Variants in RBFOX1 observed in about 807,000 individuals in gnomAD.
RBFOX1 encodes RNA binding fox-1 homolog 1, also known as RNA binding protein fox-1 homolog 1.
Under a neutral mutation model 57.7 loss-of-function variants are expected in RBFOX1, and 8 were observed. The ratio of observed to expected loss-of-function variants is 0.14; its 90% CI spans 0.08 to 0.25. RBFOX1 has a LOEUF of 0.25. Ranked by LOEUF, RBFOX1 falls within the 10% of genes least tolerant of loss-of-function variation. The probability of loss-of-function intolerance (pLI) is 1.00; values close to 1 mark genes in which losing one functional copy is unlikely to be tolerated. For missense variants in RBFOX1, 611 were observed against 548.5 expected (o/e 1.11, Z -1.14); for synonymous variants, 326 against 222.4 (o/e 1.47, Z -4.15).
chr16:7,090,013 G>A lies in RBFOX1; in HGVS notation c.27+37915G>A, dbSNP rs1289762190. Reference sequence around the variant, plus strand: ...TAGCATTAACACTGTGAGGTTGGAGGGGTTTTCCATTCTTTTCTTCTTCTT... The same window carrying A: ...TAGCATTAACACTGTGAGGTTGGAGAGGTTTTCCATTCTTTTCTTCTTCTT... On this transcript the variant is annotated intron_variant, in intron 4 of 15. Transcript: ENST00000550418. Among the ~76,000 whole-genome samples, 4 of 152,186 alleles carry A rather than the reference G, an allele frequency of 2.6e-5. No individual in the cohort carries two copies. The East Asian group carries it at 5.8e-4, about 22-fold the overall frequency.
Position 5,429,268 on chromosome 16 carries a change from C to G in RBFOX1, c.220-37948C>G, listed in dbSNP as rs74007413. ...CTGGAGGTGGGGCAGGTATTCAGCT[C>G]TCTGGGACTGCTGGCCCTCTGAGAG... On this transcript the variant is annotated intron_variant, in intron 1 of 2. Transcript: ENST00000585867. 6.8e-3 allele frequency among the ~76,000 whole-genome samples: 1,038 copies of G among 152,290 alleles called. 17 individuals are homozygous for G. The highest frequency in any genetic ancestry group is 0.024 in the African/African-American group (999 of 41,550).
intron 4 of RBFOX1, among the ~76,000 whole-genome samples, chr16:7,362,807 C>T (rs72771103): frequency 0.036 from 5,476 of 152,088 alleles, 110 homozygotes; most frequent in South Asian, 0.075. Flanking sequence ...GTGTTCACTG[C>T]CAGAGAAGTG....
intron 2 of RBFOX1, among the ~76,000 whole-genome samples, chr16:6,521,880 C>T (rs917959825): frequency 1.3e-5 from 2 of 152,016 alleles, no homozygotes; most frequent in African/African-American, 4.8e-5. Context: ...TATCACTGGC[C>T]CATTTTAATC....
chr16:5,390,941 T>TG (rs1272031296), intron 1 of RBFOX1, among the ~76,000 whole-genome samples: 2 of 152,292 alleles, frequency 1.3e-5, no homozygotes, highest in African/African-American at 4.8e-5. Flanking sequence ...GTGGTGCGTT[T>TG]GGGGGCCTTA....
intron 2 of RBFOX1, among the ~76,000 whole-genome samples, chr16:5,578,112 C>A (rs2046530036): frequency 6.6e-6 from 1 of 152,236 alleles, no homozygotes; most frequent in South Asian, 2.1e-4. Context: ...CCACCACACC[C>A]AGCTAATTTT....
intron 4 of RBFOX1, among the ~76,000 whole-genome samples, chr16:7,151,466 C>G (rs559729743): frequency 1.3e-4 from 20 of 152,280 alleles, no homozygotes; most frequent in African/African-American, 4.8e-4. Flanking sequence ...CAACTCCCTC[C>G]TGAGTGCTGA....
intron 3 of RBFOX1, among the ~76,000 whole-genome samples, chr16:6,688,498 A>T (rs536422261): frequency 6.6e-6 from 1 of 152,170 alleles, no homozygotes; most frequent in South Asian, 2.1e-4. Context: ...TTTTCTCCAT[A>T]TAAGAAGTGA....
intron 2 of RBFOX1, among the ~76,000 whole-genome samples, chr16:6,506,690 C>G (rs569414674): frequency 8.6e-6 from 1 of 115,914 alleles, no homozygotes; most frequent in East Asian, 3.0e-4. Flanking sequence ...CTTTGTCTCC[C>G]AGGCTGGAGT....
chr16:7,031,956 T>G (rs1231786453), intron 3 of RBFOX1, among the ~76,000 whole-genome samples: 1 of 152,128 alleles, frequency 6.6e-6, no homozygotes, highest in East Asian at 1.9e-4. Context: ...TGGGATGGAC[T>G]TCCTCGTTAT....
chr16:6,515,219 G>C (rs1312311081), intron 2 of RBFOX1, among the ~76,000 whole-genome samples: 3 of 152,132 alleles, frequency 2.0e-5, no homozygotes, highest in African/African-American at 7.2e-5. Flanking sequence ...TTCATTATTT[G>C]CACTTTCTAG....
intron 4 of RBFOX1, among the ~76,000 whole-genome samples, chr16:7,073,863 A>T (rs1472463284): frequency 2.0e-5 from 3 of 151,750 alleles, no homozygotes; most frequent in African/African-American, 7.3e-5. Flanking sequence ...TCTCATAAAA[A>T]TAACAAATAA....
chr16:7,471,099 A>G (rs1236232533), intron 4 of RBFOX1, among the ~76,000 whole-genome samples: 3 of 152,296 alleles, frequency 2.0e-5, no homozygotes, highest in East Asian at 3.9e-4. Flanking sequence ...CAGTCTCTCT[A>G]TAAAGATAAC....
intron 3 of RBFOX1, among the ~76,000 whole-genome samples, chr16:7,025,278 T>C (rs116042009): frequency 0.018 from 2,783 of 152,208 alleles, 80 homozygotes; most frequent in African/African-American, 0.059. Context: ...GTTTGGAAAC[T>C]ATCATGGCGC....
intron 3 of RBFOX1, among the ~76,000 whole-genome samples, chr16:5,643,014 C>T (rs1367568063): frequency 2.6e-5 from 4 of 152,194 alleles, no homozygotes; most frequent in African/African-American, 7.2e-5. Context: ...GGAGCCCTTG[C>T]AGCAGGTCAG....
Position 7,630,607 on chromosome 16 carries a change from G to T in RBFOX1, c.681G>T (p.Thr227=), listed in dbSNP as rs200449428. Residue 227 remains threonine, a synonymous_variant, in exon 11 of 16, where the codon ACG becomes ACT. Coordinates refer to ENST00000550418, the MANE Select transcript of RBFOX1 (RefSeq NM_018723.4). ...AVYSPEFYAG[T]VLLCQANQEG... ...ATCTCTCTCTCTCTTTCGTAGGCAC[G>T]GTCCTGTTGTGCCAGGCCAACCAGG... is the stretch of plus-strand genomic sequence containing the variant. 2.5e-6 allele frequency: 4 copies of T among 1,614,048 alleles called. No individual in the cohort carries two copies. Among genetic ancestry groups the T allele is most frequent in the Non-Finnish European group, 3.4e-6 (4 of 1,180,028 alleles).
rs184149717 is a variant in RBFOX1 at position 6,882,949 on chromosome 16, C to T, written c.-15-169108C>T. ...CAGGATGTCTTAGGCGGCTTCCCCT[C>T]CTGCTTTAGCAATCAATAAATTGCC... On this transcript the variant is annotated intron_variant, in intron 3 of 15. Transcript: ENST00000550418. 2.6e-4 allele frequency among the ~76,000 whole-genome samples: 39 copies of T among 152,300 alleles called. No homozygotes were observed. The East Asian group carries it at 6.2e-3, about 24-fold the overall frequency.
Position 7,305,819 on chromosome 16 carries a change from C to T in RBFOX1, c.28-212328C>T, listed in dbSNP as rs181143782. Among the ~76,000 whole-genome samples the T allele has an allele frequency of 3.8e-3, 584 of 152,200 alleles. 2 individuals are homozygous for T. The highest frequency in any genetic ancestry group is 0.013 in the African/African-American group (533 of 41,534). ...TGTTCTTTTAAATATTATTTTATTA[C>T]GTTCATTATTGAGTAAATCGTGCCA... On this transcript the variant is annotated intron_variant, in intron 4 of 15. Coordinates refer to ENST00000550418, the MANE Select transcript of RBFOX1 (RefSeq NM_018723.4).
chr16:5,919,935 A>G (rs1449151591), intron 4 of RBFOX1, among the ~76,000 whole-genome samples: 2 of 151,756 alleles, frequency 1.3e-5, no homozygotes, highest in Non-Finnish European at 2.9e-5. Flanking sequence ...ATTGAAACAT[A>G]TATCAGTACT....
chr16:5,617,584 C>T (rs1434222942), intron 3 of RBFOX1, among the ~76,000 whole-genome samples: 1 of 152,186 alleles, frequency 6.6e-6, no homozygotes, highest in Non-Finnish European at 1.5e-5. Context: ...GTGCATATGT[C>T]TTCTGCATTC....
Sources: allele counts gnomAD v4.1 joint callset (sites outside exome capture counted in the v4.1 genomes callset), GRCh38; gene constraint gnomAD v4.1.1; transcripts MANE v1.5; gene names NCBI Gene and HGNC (gene_info 2026-07-23, HGNC 2026-07-21).